IGSF10: variants seen among roughly 807,000 people sequenced by gnomAD.
IGSF10 encodes calvaria mechanical force protein 608.
Under a neutral mutation model 128.2 loss-of-function variants are expected in IGSF10, and 126 were observed. The ratio of observed to expected loss-of-function variants is 0.98; its 90% CI spans 0.85 to 1.14. The LOEUF is 1.14. Ranked by LOEUF, IGSF10 falls within the 50% of genes most tolerant of loss-of-function variation. The pLI is 0.00. For synonymous variants in IGSF10, 1,185 were observed against 1,146.2 expected (o/e 1.03, Z -0.68); for missense variants, 3,295 against 3,149.8 (o/e 1.05, Z -1.10).
the IGSF10 span, among the ~76,000 whole-genome samples, chr3:151,524,653 G>A: frequency 6.6e-6 from 1 of 152,092 alleles, no homozygotes; most frequent in Non-Finnish European, 1.5e-5. Flanking sequence ...AGGAGGGAGA[G>A]GAACAGAGAA....
At chr3:151,530,268 G>A in the IGSF10 span, among the ~76,000 whole-genome samples, 1 of 152,062 alleles carries the variant, frequency 6.6e-6, no homozygotes, top group Non-Finnish European at 1.5e-5. Context: ...CGGGGAGAGT[G>A]TTTCCCAACT....
rs1303785815 is a variant in IGSF10 at position 151,446,791 on chromosome 3, G to A, written c.3190C>T (p.Leu1064=). 5.5e-5 allele frequency: 88 copies of A among 1,614,012 alleles called. No individual in the cohort carries two copies. The highest frequency in any genetic ancestry group is 6.6e-5 in the Non-Finnish European group (78 of 1,180,002). ...FSATVLNVTC[L]SCLPRERLTT... ...AGCCTCTCCCTGGGAAGACAGGACAGACATGTCACATTGAGCACTGTGGCT... is the reference window on the plus strand; with the variant it reads ...AGCCTCTCCCTGGGAAGACAGGACAAACATGTCACATTGAGCACTGTGGCT... Residue 1064 remains leucine (L), a synonymous_variant, in exon 6 of 8, where the codon CTG becomes TTG. Transcript: ENST00000282466.
the IGSF10 span, among the ~76,000 whole-genome samples, chr3:151,534,381 A>G: frequency 8.2e-3 from 1,252 of 152,350 alleles, 9 homozygotes; most frequent in Non-Finnish European, 0.013. Context: ...ACTGTTCACA[A>G]TAGCAAAGAC....
rs768428095 is a variant in IGSF10, at chr3:151,437,737, A to G, written c.6824T>C (p.Met2275Thr). 14 of 1,613,960 alleles carry G rather than the reference A, an allele frequency of 8.7e-6. No homozygotes were observed. Among genetic ancestry groups the G allele is most frequent in the Admixed American group, 1.7e-5 (1 of 60,000 alleles). The change falls in exon 8 of 8, where the codon ATG becomes ACG. Residue 2275 changes from methionine to threonine, a missense_variant. Transcript: ENST00000282466. ...GGCTGTGAGGAAAATATTGTCTGGC[A>G]TGATCCACATGACTTCAGGAGATGG... is the stretch of plus-strand genomic sequence containing the variant. ...GTPSPEVMWI[M>T]PDNIFLTAPY...
the IGSF10 span, among the ~76,000 whole-genome samples, chr3:151,474,984 G>C: frequency 3.3e-5 from 5 of 152,116 alleles, no homozygotes; most frequent in Admixed American, 6.5e-5. Flanking sequence ...ATGAGATTTA[G>C]GTGGGGACAC....
intron 5 of IGSF10, among the ~76,000 whole-genome samples, chr3:151,452,374 G>C (rs551543262): frequency 1.3e-5 from 2 of 152,096 alleles, no homozygotes; most frequent in African/African-American, 4.8e-5. Flanking sequence ...CCCATACAGT[G>C]TATTACTCTA....
At position 151,436,376 on chromosome 3, in the gene IGSF10, A is replaced by AT. The variant is rs1720213524; in HGVS notation, c.*312dup. On this transcript the variant is annotated 3_prime_UTR_variant, in exon 8 of 8. Coordinates refer to ENST00000282466, the MANE Select transcript of IGSF10 (RefSeq NM_178822.5). ...ACTAGGCAACTGGTATTAGAAGTTC[A>AT]TTTTTTTACTGAAAAATTCAGGTAC... 7 of 228,420 alleles carry AT rather than the reference A, an allele frequency of 3.1e-5. No homozygotes were observed. Among genetic ancestry groups the AT allele is most frequent in the South Asian group, 2.2e-4 (3 of 13,490 alleles). The allele number at this position is 228,420 out of a possible 1,614,324, so 14.1% of individuals were successfully genotyped here. A position where few individuals can be genotyped will look rare whatever the true frequency, so the allele number is the denominator to read the frequency against.
intron 4 of IGSF10, 95 bp downstream of exon 4, chr3:151,456,931 T>C (rs1721823096): frequency 1.6e-6 from 2 of 1,223,954 alleles, no homozygotes; most frequent in Non-Finnish European, 1.2e-6. Context: ...AGAATGTTGA[T>C]TTTCGTATTG....
At chr3:151,444,770 T>C in intron 6 of IGSF10, 149 bp downstream of exon 6, 1 of 682,102 alleles carries the variant, frequency 1.5e-6, no homozygotes, top group South Asian at 2.2e-5. Context: ...AGTGAAAATA[T>C]GCCAGTGTCA....
At chr3:151,484,772 C>T in the IGSF10 span, among the ~76,000 whole-genome samples, 29 of 149,054 alleles carry the variant, frequency 1.9e-4, no homozygotes, top group East Asian at 1.6e-3. Flanking sequence ...ACAAAAAGGA[C>T]GTCTACTCGG....
the IGSF10 span, among the ~76,000 whole-genome samples, chr3:151,468,557 C>T: frequency 3.3e-5 from 5 of 152,150 alleles, no homozygotes; most frequent in Non-Finnish European, 7.4e-5. Context: ...CAGGGATTCT[C>T]TACTAAATTG....
At chr3:151,546,229 C>A in the IGSF10 span, among the ~76,000 whole-genome samples, 1 of 151,956 alleles carries the variant, frequency 6.6e-6, no homozygotes, top group South Asian at 2.1e-4. Flanking sequence ...TAGCATGCAG[C>A]GAGACTATTA....
the IGSF10 span, among the ~76,000 whole-genome samples, chr3:151,474,701 G>A: frequency 6.6e-6 from 1 of 152,132 alleles, no homozygotes; most frequent in Admixed American, 6.5e-5. Context: ...ACCCAAGACT[G>A]GGCAATTTAC....
At chr3:151,527,108 C>A in the IGSF10 span, among the ~76,000 whole-genome samples, 1 of 152,086 alleles carries the variant, frequency 6.6e-6, no homozygotes. Flanking sequence ...CTACAAAAAC[C>A]ACTACTGACT....
upstream of IGSF10, among the ~76,000 whole-genome samples, chr3:151,464,639 A>G (rs1297619515): frequency 2.0e-5 from 3 of 152,322 alleles, no homozygotes; most frequent in East Asian, 3.9e-4. Flanking sequence ...AAATTGTTAC[A>G]TATCTTTTAA....
the IGSF10 span, among the ~76,000 whole-genome samples, chr3:151,608,797 A>T: frequency 2.7e-4 from 41 of 152,250 alleles, no homozygotes; most frequent in Non-Finnish European, 4.4e-5. Flanking sequence ...AATGATAAGT[A>T]AATAAGGTGA....
the IGSF10 span, among the ~76,000 whole-genome samples, chr3:151,530,582 T>A: frequency 6.6e-6 from 1 of 152,068 alleles, no homozygotes; most frequent in African/African-American, 2.4e-5. Flanking sequence ...AAGAAGAGAA[T>A]TTCAACCCAG....
At position 151,446,470 on chromosome 3, in the gene IGSF10, C is replaced by CTTCA; in HGVS notation, c.3507_3510dup (p.Ala1171Ter). 5 of 1,614,096 alleles carry CTTCA rather than the reference C, an allele frequency of 3.1e-6. No individual in the cohort carries two copies. Among genetic ancestry groups the CTTCA allele is most frequent in the Non-Finnish European group, 4.2e-6 (5 of 1,180,018 alleles). On this transcript the variant is annotated stop_gained and frameshift_variant, in exon 6 of 8. Coordinates refer to ENST00000282466, the MANE Select transcript of IGSF10 (RefSeq NM_178822.5). LOFTEE classifies it high-confidence loss of function. ...GATGTAATCACTGAATCTCTTTTAGCTTCATTGGTGCTAGACACACGTGGG... is the reference window on the plus strand; with the variant it reads ...GATGTAATCACTGAATCTCTTTTAGCTTCATTCATTGGTGCTAGACACACGTGGG...
the IGSF10 span, among the ~76,000 whole-genome samples, chr3:151,491,715 C>T: frequency 6.6e-6 from 1 of 152,128 alleles, no homozygotes; most frequent in African/African-American, 2.4e-5. Context: ...CTGAGTTCTA[C>T]CAAACATTCA....
Sources: gnomAD v4.1 joint callset for allele counts (sites outside exome capture counted in the v4.1 genomes callset) on GRCh38, gnomAD v4.1.1 for gene constraint, MANE v1.5 for transcripts, NCBI Gene and HGNC (gene_info 2026-07-23, HGNC 2026-07-21) for gene names.